RAB11FIP4: variants seen among roughly 807,000 people sequenced by gnomAD.
The protein encoded by RAB11FIP4 is RAB11 family interacting protein 4.
A neutral mutation model predicts 74.3 loss-of-function variants in RAB11FIP4; 23 were observed. The ratio of observed to expected loss-of-function variants is 0.31; its 90% CI spans 0.22 to 0.44. RAB11FIP4 has a LOEUF of 0.44. RAB11FIP4 is among the 20% of genes least tolerant of loss of function. The pLI, the probability that RAB11FIP4 is intolerant of heterozygous loss-of-function variation, is 1.00. For missense variants in RAB11FIP4, 630 were observed against 863.9 expected (o/e 0.73, Z 3.39); for synonymous variants, 360 against 359.9 (o/e 1.00, Z 0.00).
At chr17:31,479,781 AACC>A (rs1229488249) in intron 3 of RAB11FIP4, among the ~76,000 whole-genome samples, 1 of 152,200 alleles carries the variant, frequency 6.6e-6, no homozygotes, top group East Asian at 1.9e-4. Flanking sequence ...CTCTACTCCC[AACC>A]ACCTCCCTTT....
In RAB11FIP4 at chr17:31,513,470, G is replaced by A. The variant is rs1248629178; in HGVS notation, c.337-4181G>A. Among the ~76,000 whole-genome samples the A allele has an allele frequency of 2.6e-5, 4 of 152,138 alleles. No homozygotes were observed. In the East Asian group the frequency reaches 7.7e-4, roughly 29 times the overall value. ...CCAGGCCGGCGGGAGAAGGAGCAAG[G>A]GCTTCCACCAGACCCTTCCCCAGAG... On this transcript the variant is annotated intron_variant, in intron 3 of 14. Coordinates refer to ENST00000621161, the MANE Select transcript of RAB11FIP4 (RefSeq NM_032932.6).
intron 10 of RAB11FIP4, 74 bp from the exon 11 acceptor site, chr17:31,527,768 A>C: frequency 1.9e-6 from 2 of 1,046,618 alleles, no homozygotes; most frequent in South Asian, 3.0e-5. Context: ...GCAGAGAATC[A>C]CTGCAGACTG....
At chr17:31,487,769 C>G (rs1336435259) in intron 3 of RAB11FIP4, among the ~76,000 whole-genome samples, 1 of 152,040 alleles carries the variant, frequency 6.6e-6, no homozygotes, top group Non-Finnish European at 1.5e-5. Context: ...CGCGAGCTCA[C>G]ACGCCGACTC....
At position 31,533,264 on chromosome 17, in the gene RAB11FIP4, G is replaced by C. The variant is rs1193583789; in HGVS notation, c.*1532G>C. ...TTCAATTCCATTCCAATCAGCCTTTGCATTTGTTGGATCTCGTGGCTTCTT... is the reference window on the plus strand; with the variant it reads ...TTCAATTCCATTCCAATCAGCCTTTCCATTTGTTGGATCTCGTGGCTTCTT... On this transcript the variant is annotated 3_prime_UTR_variant, in exon 15 of 15. Coordinates refer to ENST00000621161, the MANE Select transcript of RAB11FIP4 (RefSeq NM_032932.6). 6.6e-6 allele frequency: 1 copy of C among 152,286 alleles called. No individual in the cohort carries two copies. Among genetic ancestry groups the C allele is most frequent in the Non-Finnish European group, 1.5e-5 (1 of 68,132 alleles). 9.4% of individuals were successfully genotyped at this position (152,286 alleles called of 1,614,324 possible). A position where few individuals can be genotyped will look rare whatever the true frequency, so the allele number is the denominator to read the frequency against.
chr17:31,486,982 A>T (rs2071910455), intron 3 of RAB11FIP4, among the ~76,000 whole-genome samples: 1 of 152,132 alleles, frequency 6.6e-6, no homozygotes, highest in Non-Finnish European at 1.5e-5. Context: ...GTGTGTGTGC[A>T]TGTGTGGGTG....
chr17:31,520,053 C>G (rs1414509336), intron 4 of RAB11FIP4, among the ~76,000 whole-genome samples: 1 of 144,488 alleles, frequency 6.9e-6, no homozygotes, highest in East Asian at 2.0e-4. Flanking sequence ...AGAGGTTGCA[C>G]CAATGCACTC....
In RAB11FIP4 at chr17:31,399,028, G is replaced by A. The variant is rs967237836; in HGVS notation, c.159+7017G>A. Among the ~76,000 whole-genome samples, 5 of 152,178 alleles carry A rather than the reference G, an allele frequency of 3.3e-5. No individual in the cohort carries two copies. The East Asian group carries it at 5.8e-4, about 18-fold the overall frequency. On this transcript the variant is annotated intron_variant, in intron 1 of 14. Coordinates refer to ENST00000621161, the MANE Select transcript of RAB11FIP4 (RefSeq NM_032932.6). ...GCCCCGGCCTGGGCAACCTTCGGCC[G>A]GCAGGAATAGGGGTGTTCACAGGTC...
intron 3 of RAB11FIP4, among the ~76,000 whole-genome samples, chr17:31,502,223 C>CA (rs551229045): frequency 0.21 from 28,940 of 138,254 alleles, 2,908 homozygotes; most frequent in South Asian, 0.32. Flanking sequence ...TACCTTGTCT[C>CA]AAAAAAAAAA....
chr17:31,434,252 C>T (rs2071338313), intron 3 of RAB11FIP4, 130 bp downstream of exon 3: 4 of 743,226 alleles, frequency 5.4e-6, no homozygotes, highest in Middle Eastern at 2.3e-4. Context: ...GCATCAGAGT[C>T]AAGAAATAGT....
intron 3 of RAB11FIP4, chr17:31,488,482 A>C: frequency 2.3e-6 from 1 of 441,424 alleles, no homozygotes; most frequent in Non-Finnish European, 3.2e-6. Flanking sequence ...AAGTGCTTTT[A>C]GTGGACTAGG....
chr17:31,457,875 C>G (rs1451424800), intron 3 of RAB11FIP4, among the ~76,000 whole-genome samples: 1 of 152,168 alleles, frequency 6.6e-6, no homozygotes, highest in Non-Finnish European at 1.5e-5. Flanking sequence ...CCCGCTCTGT[C>G]TCTTCTCTCT....
intron 3 of RAB11FIP4, among the ~76,000 whole-genome samples, chr17:31,453,938 G>A (rs116786477): frequency 6.6e-6 from 1 of 152,242 alleles, no homozygotes; most frequent in African/African-American, 2.4e-5. Flanking sequence ...TGACTCAGGG[G>A]TGGTGACCAG....
At chr17:31,487,529 T>C (rs2071918471) in intron 3 of RAB11FIP4, among the ~76,000 whole-genome samples, 1 of 151,994 alleles carries the variant, frequency 6.6e-6, no homozygotes, top group Non-Finnish European at 1.5e-5. Flanking sequence ...GTTATGGAGA[T>C]GGTTCCGACT....
At chr17:31,515,237 A>T (rs540118462) in intron 3 of RAB11FIP4, among the ~76,000 whole-genome samples, 33 of 152,070 alleles carry the variant, frequency 2.2e-4, no homozygotes, top group Admixed American at 5.2e-4. Flanking sequence ...GGGGATGAAG[A>T]GCTTGCTTAG....
intron 1 of RAB11FIP4, among the ~76,000 whole-genome samples, chr17:31,404,293 C>T (rs1436831103): frequency 6.6e-6 from 1 of 152,242 alleles, no homozygotes; most frequent in Non-Finnish European, 1.5e-5. Context: ...CGGCCTTGGC[C>T]CCATCCTGCT....
chr17:31,412,643 G>A (rs1043287018), intron 1 of RAB11FIP4, among the ~76,000 whole-genome samples: 2 of 152,176 alleles, frequency 1.3e-5, no homozygotes, highest in Non-Finnish European at 2.9e-5. Flanking sequence ...CTTAATCTCT[G>A]CTGCCCACAG....
Position 31,522,353 on chromosome 17 carries a change from T to C in RAB11FIP4, c.894-7T>C. ...CTGTTCAATGACTGTTTCCTTTCTCTCTCTAGCCCCAACCGAAAGATCTCC... is the reference window on the plus strand; with the variant it reads ...CTGTTCAATGACTGTTTCCTTTCTCCCTCTAGCCCCAACCGAAAGATCTCC... On this transcript the variant is annotated splice_polypyrimidine_tract_variant and splice_region_variant and intron_variant, in intron 6 of 14. Coordinates refer to ENST00000621161, the MANE Select transcript of RAB11FIP4 (RefSeq NM_032932.6). 6.2e-7 allele frequency: 1 copy of C among 1,613,776 alleles called. No homozygotes were observed. The highest frequency in any genetic ancestry group is 2.2e-5 in the East Asian group (1 of 44,878).
chr17:31,503,665 C>T lies in RAB11FIP4; in HGVS notation c.337-13986C>T, dbSNP rs1440235771. ...TTAGAGGCCGGATCATTCTTATGAC[C>T]TCAGCCATCCATTGCCGCTTGATCT... On this transcript the variant is annotated intron_variant, in intron 3 of 14. Coordinates refer to ENST00000621161, the MANE Select transcript of RAB11FIP4 (RefSeq NM_032932.6). Among the ~76,000 whole-genome samples, 4 of 149,784 alleles carry T rather than the reference C, an allele frequency of 2.7e-5. 1 individual carries two copies. The highest frequency in any genetic ancestry group is 1.0e-4 in the African/African-American group (4 of 39,100).
At chr17:31,522,444 C>T (rs1397359478) in intron 7 of RAB11FIP4, 49 bp downstream of exon 7, 3 of 1,584,804 alleles carry the variant, frequency 1.9e-6, no homozygotes, top group Non-Finnish European at 2.6e-6. Flanking sequence ...CCCCATGCTG[C>T]CCACTGGCCG....
Sources: allele counts gnomAD v4.1 joint callset (sites outside exome capture counted in the v4.1 genomes callset), GRCh38; gene constraint gnomAD v4.1.1; transcripts MANE v1.5; gene names NCBI Gene and HGNC (gene_info 2026-07-23, HGNC 2026-07-21).